Variants in R3HDM2 observed in about 807,000 individuals in gnomAD.
R3HDM2 encodes the protein R3H domain-containing protein 2.
In R3HDM2, 38 loss-of-function variants were observed where a neutral mutation model predicts 124.5. The observed-to-expected ratio is 0.31, with a 90% CI of 0.24 to 0.40. The LOEUF is 0.40. Ranked by LOEUF, R3HDM2 falls within the 10% of genes least tolerant of loss-of-function variation. R3HDM2 has a pLI of 1.00. For synonymous variants in R3HDM2, 391 were observed against 448.0 expected (o/e 0.87, Z 1.61); for missense variants, 869 against 1,236.9 (o/e 0.70, Z 4.46).
chr12:57,356,180 G>A (rs1192113464), intron 2 of R3HDM2, among the ~76,000 whole-genome samples: 1 of 151,992 alleles, frequency 6.6e-6, no homozygotes, highest in African/African-American at 2.4e-5. Context: ...TTACCACTAA[G>A]TATTATATTA....
chr12:57,391,167 T>C (rs1241437437), intron 2 of R3HDM2, among the ~76,000 whole-genome samples: 2 of 152,114 alleles, frequency 1.3e-5, no homozygotes, highest in African/African-American at 4.8e-5. Context: ...ATGCAATAGA[T>C]GAAAATTGGA....
chr12:57,426,486 C>A (rs1477908092), intron 1 of R3HDM2, among the ~76,000 whole-genome samples: 4 of 151,996 alleles, frequency 2.6e-5, no homozygotes, highest in Non-Finnish European at 5.9e-5. Flanking sequence ...AGGAACTAGC[C>A]CATAAAGACA....
At chr12:57,343,947 CTTTA>C (rs2059853500) in intron 2 of R3HDM2, among the ~76,000 whole-genome samples, 2 of 151,958 alleles carry the variant, frequency 1.3e-5, no homozygotes, top group African/African-American at 2.4e-5. Flanking sequence ...TGTTTTTGAC[CTTTA>C]TTTATTTCTT....
chr12:57,412,000 T>C (rs558958303), intron 1 of R3HDM2, among the ~76,000 whole-genome samples: 1 of 152,326 alleles, frequency 6.6e-6, no homozygotes, highest in South Asian at 2.1e-4. Flanking sequence ...CTCTCTCACC[T>C]GCTGCCATGT....
At chr12:57,430,425 G>A in intron 1 of R3HDM2, 1 of 711,090 alleles carries the variant, frequency 1.4e-6, no homozygotes. Context: ...CCACCCCGAA[G>A]CACTGGAAGG....
At chr12:57,328,906 C>T in intron 2 of R3HDM2, among the ~76,000 whole-genome samples, 1 of 152,042 alleles carries the variant, frequency 6.6e-6, no homozygotes, top group East Asian at 1.9e-4. Context: ...GTATGACTTG[C>T]TTTATTGTGA....
At chr12:57,396,304 G>A (rs534006972) in intron 1 of R3HDM2, among the ~76,000 whole-genome samples, 9 of 151,898 alleles carry the variant, frequency 5.9e-5, no homozygotes, top group African/African-American at 9.7e-5. Context: ...AGCCAGGCAC[G>A]GTGGCATGTG....
At chr12:57,324,098 T>C (rs910028593) in intron 2 of R3HDM2, among the ~76,000 whole-genome samples, 2 of 152,170 alleles carry the variant, frequency 1.3e-5, no homozygotes, top group African/African-American at 4.8e-5. Flanking sequence ...CTTCCATTAC[T>C]AACTTAAATG....
intron 16 of R3HDM2, 89 bp from the exon 17 acceptor site, chr12:57,269,171 C>T (rs2043081501): frequency 1.0e-5 from 16 of 1,560,432 alleles, no homozygotes; most frequent in Non-Finnish European, 1.4e-5. Context: ...TCTATTTTAT[C>T]TTTCTTTTTC....
intron 2 of R3HDM2, among the ~76,000 whole-genome samples, chr12:57,370,765 C>G (rs1362339287): frequency 6.6e-6 from 1 of 151,922 alleles, no homozygotes; most frequent in Non-Finnish European, 1.5e-5. Flanking sequence ...GGAGAAAAAG[C>G]ACAAGGGAAA....
intron 14 of R3HDM2, among the ~76,000 whole-genome samples, chr12:57,275,802 TC>T (rs1488622456): frequency 6.6e-6 from 1 of 152,126 alleles, no homozygotes; most frequent in African/African-American, 2.4e-5. Flanking sequence ...ATGGTCATAA[TC>T]AAAAAATCAA....
chr12:57,268,556 T>TTCC, intron 17 of R3HDM2, 99 bp from the exon 18 acceptor site: 1 of 1,238,356 alleles, frequency 8.1e-7, no homozygotes, highest in Non-Finnish European at 1.1e-6. Context: ...TACAACTTCC[T>TTCC]TCCCTACCTT....
chr12:57,369,047 C>T (rs545079174), intron 2 of R3HDM2, among the ~76,000 whole-genome samples: 5 of 152,098 alleles, frequency 3.3e-5, no homozygotes, highest in Non-Finnish European at 7.4e-5. Flanking sequence ...AAGGATTAGG[C>T]AAATAAGTAA....
intron 2 of R3HDM2, among the ~76,000 whole-genome samples, chr12:57,391,247 TCAG>T (rs1236946544): frequency 6.6e-6 from 1 of 152,154 alleles, no homozygotes; most frequent in African/African-American, 2.4e-5. Context: ...GGAACGCTAC[TCAG>T]CAATCAAAAG....
intron 1 of R3HDM2, among the ~76,000 whole-genome samples, chr12:57,430,233 C>A (rs951925358): frequency 9.2e-5 from 14 of 152,080 alleles, no homozygotes; most frequent in African/African-American, 3.1e-4. Flanking sequence ...TAGTTATGAG[C>A]TTAGTGTAGG....
rs1172098226 is a variant in R3HDM2, at chr12:57,289,043, A to G, written c.907-3T>C. 6.5e-7 allele frequency: 1 copy of G among 1,547,362 alleles called. No homozygotes were observed. On this transcript the variant is annotated splice_region_variant and splice_polypyrimidine_tract_variant and intron_variant, in intron 11 of 23. Coordinates refer to ENST00000402412, the MANE Select transcript of R3HDM2 (RefSeq NM_001394031.1). ...TTTAGATATCCGTTCTGGCCAGTCTAGGTGAGGGGGAGAAAACGGAAAATA... is the reference window on the plus strand; with the variant it reads ...TTTAGATATCCGTTCTGGCCAGTCTGGGTGAGGGGGAGAAAACGGAAAATA...
At chr12:57,310,223 A>G (rs201585148) in intron 3 of R3HDM2, 41 bp downstream of exon 3, 1 of 5,182 alleles carries the variant, frequency 1.9e-4, no homozygotes, top group Non-Finnish European at 0.018. Context: ...TCTCTAAAGG[A>G]AAAAAAAAAA....
chr12:57,403,785 CT>C (rs2068265353), intron 1 of R3HDM2, among the ~76,000 whole-genome samples: 1 of 150,956 alleles, frequency 6.6e-6, no homozygotes, highest in South Asian at 2.1e-4. Flanking sequence ...TGCCACTACA[CT>C]CCAGCCTGGG....
intron 1 of R3HDM2, among the ~76,000 whole-genome samples, chr12:57,403,787 C>T (rs1464069961): frequency 6.6e-6 from 1 of 150,994 alleles, no homozygotes; most frequent in Admixed American, 6.7e-5. Flanking sequence ...CCACTACACT[C>T]CAGCCTGGGC....
Sources: gnomAD v4.1 joint callset for allele counts (sites outside exome capture counted in the v4.1 genomes callset) on GRCh38, gnomAD v4.1.1 for gene constraint, MANE v1.5 for transcripts, NCBI Gene and HGNC (gene_info 2026-07-23, HGNC 2026-07-21) for gene names.